Variants in DCLK1 observed in about 807,000 individuals in gnomAD.
DCLK1 encodes the protein doublecortin like kinase 1.
Under a neutral mutation model 86.2 loss-of-function variants are expected in DCLK1, and 16 were observed. That is an observed-to-expected ratio of 0.19 (90% CI 0.13 to 0.28). The LOEUF (loss-of-function observed/expected upper bound fraction) is 0.28. Ranked by LOEUF, DCLK1 falls within the 10% of genes least tolerant of loss-of-function variation. The probability of loss-of-function intolerance (pLI) is 1.00; values close to 1 mark genes in which losing one functional copy is unlikely to be tolerated. For missense variants in DCLK1, 590 were observed against 940.2 expected (o/e 0.63, Z 4.87); for synonymous variants, 369 against 370.5 (o/e 1.00, Z 0.05).
At chr13:36,081,607 G>A (rs866003304) in intron 3 of DCLK1, among the ~76,000 whole-genome samples, 4 of 152,042 alleles carry the variant, frequency 2.6e-5, no homozygotes, top group Non-Finnish European at 4.4e-5. Flanking sequence ...TTCATTGTTC[G>A]GGAATTCTAA....
chr13:35,935,341 GGA>G (rs1462407382), intron 4 of DCLK1, among the ~76,000 whole-genome samples: 1 of 152,106 alleles, frequency 6.6e-6, no homozygotes, highest in Non-Finnish European at 1.5e-5. Flanking sequence ...AACATGGTGT[GGA>G]GAGATGAAAA....
chr13:36,125,714 G>C (rs1886147813), intron 2 of DCLK1, 48 bp downstream of exon 2: 2 of 1,565,118 alleles, frequency 1.3e-6, no homozygotes, highest in Non-Finnish European at 1.7e-6. Flanking sequence ...CTGGAAATCT[G>C]AGCCTGGAAC....
At chr13:35,899,434 A>C (rs1001773115) in intron 4 of DCLK1, among the ~76,000 whole-genome samples, 1 of 151,918 alleles carries the variant, frequency 6.6e-6, no homozygotes, top group African/African-American at 2.4e-5. Flanking sequence ...TGTACTATAC[A>C]AGGGAGGCTA....
At chr13:35,970,695 C>A (rs917089740) in intron 3 of DCLK1, among the ~76,000 whole-genome samples, 1 of 152,044 alleles carries the variant, frequency 6.6e-6, no homozygotes, top group East Asian at 1.9e-4. Context: ...CCTGCAGCCA[C>A]CTTGATCTTG....
At chr13:35,976,021 T>C (rs1157457059) in intron 3 of DCLK1, among the ~76,000 whole-genome samples, 2 of 152,178 alleles carry the variant, frequency 1.3e-5, no homozygotes, top group Admixed American at 6.5e-5. Flanking sequence ...CACTAAGCAA[T>C]GACACAGAGG....
At chr13:36,125,057 GCAAA>G (rs1326246755) in intron 2 of DCLK1, among the ~76,000 whole-genome samples, 1 of 152,078 alleles carries the variant, frequency 6.6e-6, no homozygotes, top group African/African-American at 2.4e-5. Context: ...ATCCGTGGAC[GCAAA>G]CAGTCCTATT....
intron 16 of DCLK1, among the ~76,000 whole-genome samples, chr13:35,781,753 T>C (rs971607031): frequency 1.3e-5 from 2 of 152,246 alleles, no homozygotes; most frequent in African/African-American, 4.8e-5. Context: ...CCTAGGAGAC[T>C]GAACTGGGGA....
chr13:36,022,002 A>G (rs1881805614), intron 3 of DCLK1, among the ~76,000 whole-genome samples: 1 of 152,126 alleles, frequency 6.6e-6, no homozygotes, highest in Admixed American at 6.5e-5. Flanking sequence ...GTATTAAGCC[A>G]TAAAATGATA....
chr13:35,847,251 C>G, intron 6 of DCLK1: 2 of 985,196 alleles, frequency 2.0e-6, no homozygotes, highest in Non-Finnish European at 1.2e-6. Flanking sequence ...ATTTGCCATA[C>G]CAGTTGAGCA....
intron 10 of DCLK1, among the ~76,000 whole-genome samples, chr13:35,825,761 A>C (rs9545505): frequency 0.66 from 100,188 of 151,762 alleles, 34,539 homozygotes; most frequent in Non-Finnish European, 0.75. Flanking sequence ...ATAATAAAGC[A>C]CCAACGGGAA....
At chr13:35,935,171 C>A (rs553567714) in intron 4 of DCLK1, among the ~76,000 whole-genome samples, 1 of 152,220 alleles carries the variant, frequency 6.6e-6, no homozygotes, top group Admixed American at 6.5e-5. Flanking sequence ...GGGAGACCAA[C>A]AAATAATACT....
At chr13:35,930,969 T>A (rs564252431) in intron 4 of DCLK1, among the ~76,000 whole-genome samples, 2 of 152,340 alleles carry the variant, frequency 1.3e-5, no homozygotes, top group African/African-American at 4.8e-5. Flanking sequence ...TTGCTGTCTG[T>A]TTAAATAAAC....
chr13:35,980,256 G>T (rs1422628302), intron 3 of DCLK1, among the ~76,000 whole-genome samples: 3 of 152,164 alleles, frequency 2.0e-5, no homozygotes, highest in African/African-American at 7.2e-5. Context: ...AGGAGTTTGA[G>T]ACCAGCCTGG....
intron 11 of DCLK1, among the ~76,000 whole-genome samples, chr13:35,820,069 T>A (rs544786011): frequency 6.6e-6 from 1 of 152,304 alleles, no homozygotes; most frequent in East Asian, 1.9e-4. Flanking sequence ...TCTGTGATGG[T>A]TCTCTTATTT....
intron 3 of DCLK1, among the ~76,000 whole-genome samples, chr13:36,088,355 C>G (rs1037121703): frequency 6.6e-6 from 1 of 152,298 alleles, no homozygotes; most frequent in Non-Finnish European, 1.5e-5. Context: ...GGTGAGCTGC[C>G]CGCTTTCAGT....
chr13:36,002,394 T>G (rs536974666), intron 3 of DCLK1, among the ~76,000 whole-genome samples: 1 of 152,326 alleles, frequency 6.6e-6, no homozygotes, highest in South Asian at 2.1e-4. Flanking sequence ...AAAATGAGCT[T>G]GAAATGTACT....
chr13:35,829,343 C>A (rs955691954), intron 8 of DCLK1, among the ~76,000 whole-genome samples: 1 of 152,232 alleles, frequency 6.6e-6, no homozygotes, highest in African/African-American at 2.4e-5. Context: ...CACGATTTCA[C>A]AAGCATTGCT....
intron 3 of DCLK1, among the ~76,000 whole-genome samples, chr13:36,013,457 T>C (rs1203322630): frequency 1.3e-5 from 2 of 152,186 alleles, no homozygotes; most frequent in African/African-American, 2.4e-5. Flanking sequence ...GACAGGACCC[T>C]CAGCTGCAGG....
intron 4 of DCLK1, among the ~76,000 whole-genome samples, chr13:35,884,215 C>T (rs1233453468): frequency 6.6e-6 from 1 of 151,844 alleles, no homozygotes; most frequent in Admixed American, 6.6e-5. Flanking sequence ...AAAAAAAAGA[C>T]TAAACTAAAA....
Sources: allele counts gnomAD v4.1 joint callset (sites outside exome capture counted in the v4.1 genomes callset), GRCh38; gene constraint gnomAD v4.1.1; transcripts MANE v1.5; gene names NCBI Gene and HGNC (gene_info 2026-07-23, HGNC 2026-07-21).